GPLD1: variants seen among roughly 807,000 people sequenced by gnomAD.
GPLD1 encodes glycosylphosphatidylinositol specific phospholipase D1, also known as phosphatidylinositol-glycan-specific phospholipase D.
GPLD1 carries 84 observed loss-of-function variants against 112.6 expected under a neutral mutation model. The observed-to-expected ratio is 0.75, with a 90% CI of 0.63 to 0.89. The LOEUF is 0.89. Among genes scored for constraint, GPLD1 ranks in the 40% least tolerant of loss-of-function variants. The probability of loss-of-function intolerance (pLI) is 0.00; values close to 1 mark genes in which losing one functional copy is unlikely to be tolerated. For missense variants in GPLD1, 1,044 were observed against 1,051.5 expected, an observed-to-expected ratio of 0.99 and a Z score of 0.10; for synonymous variants, 386 against 403.8, an observed-to-expected ratio of 0.96 and a Z score of 0.53.
chr6:24,466,984 C>G (rs763224332), intron 8 of GPLD1, 45 bp from the exon 9 acceptor site: 3 of 1,533,008 alleles, frequency 2.0e-6, no homozygotes, highest in Non-Finnish European at 1.8e-6. Flanking sequence ...CAGTTTGTAA[C>G]AGAGAAATGA....
chr6:24,445,119 C>T (rs1762864031), intron 20 of GPLD1, among the ~76,000 whole-genome samples: 1 of 151,988 alleles, frequency 6.6e-6, no homozygotes, highest in African/African-American at 2.4e-5. Context: ...CTTCTGCCTC[C>T]CAGATTCAAG....
intron 11 of GPLD1, among the ~76,000 whole-genome samples, chr6:24,461,401 CTGTG>C (rs1368017156): frequency 6.6e-6 from 1 of 151,570 alleles, no homozygotes; most frequent in Non-Finnish European, 1.5e-5. Context: ...TGAACACTTT[CTGTG>C]TAATTTTCAT....
chr6:24,485,672 CTCT>C (rs1036942894), intron 2 of GPLD1, among the ~76,000 whole-genome samples: 7 of 147,214 alleles, frequency 4.8e-5, no homozygotes, highest in African/African-American at 1.5e-4. Context: ...AATAATGAGT[CTCT>C]TTTTTTTTTT....
At chr6:24,470,002 A>C (rs749511317) in intron 7 of GPLD1, among the ~76,000 whole-genome samples, 5 of 152,188 alleles carry the variant, frequency 3.3e-5, no homozygotes, top group Non-Finnish European at 7.3e-5. Flanking sequence ...GGACAGCAGA[A>C]ATTTTTCAAA....
At chr6:24,442,174 T>A (rs1469631626) in intron 20 of GPLD1, among the ~76,000 whole-genome samples, 3 of 151,564 alleles carry the variant, frequency 2.0e-5, no homozygotes, top group African/African-American at 7.3e-5. Context: ...CAGGCTGGAG[T>A]GCAGTGGGTG....
In GPLD1 at chr6:24,444,498, A is replaced by T. The variant is rs995796823; in HGVS notation, c.2020+1048T>A. On this transcript the variant is annotated intron_variant, in intron 20 of 24. Coordinates refer to ENST00000230036, the MANE Select transcript of GPLD1 (RefSeq NM_001503.4). ...ATCTGGGAGGAAATGGTTCTTATTT[A>T]TTTTTTTTTTTAAAGACTATCTTTC... 5.5e-5 allele frequency among the ~76,000 whole-genome samples: 8 copies of T among 145,234 alleles called. No homozygotes were observed. In the East Asian group the frequency reaches 7.9e-4, roughly 14 times the overall value.
intron 17 of GPLD1, among the ~76,000 whole-genome samples, chr6:24,447,555 C>CAAA (rs926164645): frequency 6.6e-6 from 1 of 151,998 alleles, no homozygotes; most frequent in Non-Finnish European, 1.5e-5. Context: ...ACAACAACAA[C>CAAA]AACAGCTATG....
chr6:24,433,058 G>A (rs1375766475), intron 24 of GPLD1, 129 bp downstream of exon 24: 4 of 766,324 alleles, frequency 5.2e-6, no homozygotes, highest in Non-Finnish European at 9.6e-6. Flanking sequence ...ATATGTGAAT[G>A]TTACTTTCTG....
intron 20 of GPLD1, among the ~76,000 whole-genome samples, chr6:24,443,168 G>A (rs1428556868): frequency 4.6e-5 from 7 of 152,134 alleles, no homozygotes; most frequent in Non-Finnish European, 1.0e-4. Context: ...AACGAAGGAG[G>A]ACGAACGTAG....
At chr6:24,475,759 G>A (rs1763993459) in intron 4 of GPLD1, among the ~76,000 whole-genome samples, 1 of 151,416 alleles carries the variant, frequency 6.6e-6, no homozygotes, top group East Asian at 1.9e-4. Context: ...TTGGGAGGCT[G>A]AGGCAGGAGA....
chr6:24,461,484 C>G (rs1192174759), intron 11 of GPLD1, among the ~76,000 whole-genome samples: 1 of 152,184 alleles, frequency 6.6e-6, no homozygotes, highest in African/African-American at 2.4e-5. Flanking sequence ...TTGAGTATAT[C>G]TCACTCTTGA....
At chr6:24,451,078 G>A (rs1042508705) in intron 14 of GPLD1, among the ~76,000 whole-genome samples, 3 of 152,270 alleles carry the variant, frequency 2.0e-5, no homozygotes, top group Middle Eastern at 3.4e-3. Flanking sequence ...TATGTCTCCC[G>A]CACTGGACAG....
rs1763393103 is a variant in GPLD1 at position 24,460,292 on chromosome 6, T to C, written c.995A>G (p.Asn332Ser). The C allele has an allele frequency of 6.2e-7, 1 of 1,613,784 alleles. No homozygotes were observed. Among genetic ancestry groups the C allele is most frequent in the African/African-American group, 1.3e-5 (1 of 74,920 alleles). ...GAAAATTCTTACCGGGGTCCAGGAA[T>C]TTACACTAAAGAACACTCCTCTTTC... ...YTERGVFFSV[N>S]SWTPDSMSFI... Residue 332 changes from asparagine (N) to serine (S), a missense_variant, in exon 12 of 25, where the codon AAT (asparagine) becomes AGT (serine). Transcript: ENST00000230036.
chr6:24,475,064 C>T, intron 5 of GPLD1, 57 bp downstream of exon 5: 1 of 877,914 alleles, frequency 1.1e-6, no homozygotes, highest in Non-Finnish European at 1.9e-6. Context: ...AGGTTTTGAT[C>T]TTAGGTGAGA....
chr6:24,447,000 T>C (rs1276142313), intron 17 of GPLD1, 21 bp from the exon 18 acceptor site: 2 of 1,606,428 alleles, frequency 1.2e-6, no homozygotes, highest in East Asian at 4.5e-5. Flanking sequence ...CAACTCATCC[T>C]TTTTACTAAT....
intron 1 of GPLD1, among the ~76,000 whole-genome samples, chr6:24,487,122 T>G (rs528767491): frequency 6.9e-5 from 10 of 145,674 alleles, no homozygotes; most frequent in Admixed American, 1.4e-4. Flanking sequence ...AACAAAAAAC[T>G]ATTGCCACTA....
chr6:24,424,792 C>G (rs1468836892), downstream of GPLD1: 3 of 152,188 alleles, frequency 2.0e-5, no homozygotes, highest in African/African-American at 7.2e-5. Flanking sequence ...TACACTTACC[C>G]TGATGATATT....
intron 17 of GPLD1, 130 bp from the exon 18 acceptor site, chr6:24,447,109 A>G (rs145169613): frequency 0.013 from 8,739 of 694,692 alleles, 85 homozygotes; most frequent in Non-Finnish European, 0.017. Context: ...GAGGTCTTAT[A>G]TGTCCCCATG....
chr6:24,448,319 T>A, intron 15 of GPLD1, 111 bp from the exon 16 acceptor site: 4 of 666,156 alleles, frequency 6.0e-6, no homozygotes, highest in South Asian at 5.3e-5. Context: ...GTGGCTGATG[T>A]CTATAATCCC....
Sources: allele counts gnomAD v4.1 joint callset (sites outside exome capture counted in the v4.1 genomes callset), GRCh38; gene constraint gnomAD v4.1.1; transcripts MANE v1.5; gene names NCBI Gene and HGNC (gene_info 2026-07-23, HGNC 2026-07-21).